ROBO2: variants seen among roughly 807,000 people sequenced by gnomAD.
ROBO2 encodes roundabout guidance receptor 2, also known as roundabout homolog 2.
Under a neutral mutation model 160.8 loss-of-function variants are expected in ROBO2, and 53 were observed. The ratio of observed to expected loss-of-function variants is 0.33; its 90% confidence interval spans 0.26 to 0.41. The LOEUF (loss-of-function observed/expected upper bound fraction) is 0.41, where lower values mean the gene tolerates loss of function less well. ROBO2 is among the 10% of genes least tolerant of loss of function. ROBO2 has a pLI of 1.00. For missense variants in ROBO2, 1,577 were observed against 1,722.4 expected (o/e 0.92, Z 1.49); for synonymous variants, 664 against 611.7 (o/e 1.09, Z -1.26).
chr3:77,494,033 T>G (rs1210730374), intron 5 of ROBO2, among the ~76,000 whole-genome samples: 1 of 152,186 alleles, frequency 6.6e-6, no homozygotes, highest in African/African-American at 2.4e-5. Flanking sequence ...CAAAAATGCT[T>G]TTCATCATAT....
At chr3:76,337,302 A>C (rs2073955054) in intron 2 of ROBO2, among the ~76,000 whole-genome samples, 1 of 151,404 alleles carries the variant, frequency 6.6e-6, no homozygotes, top group Admixed American at 6.6e-5. Context: ...AATACTAAAA[A>C]CTCTCCCCTG....
At chr3:77,499,631 T>G (rs1280340221) in intron 5 of ROBO2, among the ~76,000 whole-genome samples, 2 of 151,660 alleles carry the variant, frequency 1.3e-5, no homozygotes, top group African/African-American at 2.4e-5. Context: ...AATATTATTT[T>G]TAAATAAGTA....
At chr3:76,680,020 T>C (rs887239276) in intron 2 of ROBO2, among the ~76,000 whole-genome samples, 1 of 152,140 alleles carries the variant, frequency 6.6e-6, no homozygotes, top group African/African-American at 2.4e-5. Flanking sequence ...ATTATTGCTG[T>C]GTGTAGTTGG....
intron 2 of ROBO2, among the ~76,000 whole-genome samples, chr3:77,022,869 G>A (rs1055466519): frequency 2.6e-4 from 39 of 151,900 alleles, no homozygotes; most frequent in African/African-American, 7.0e-4. Flanking sequence ...GTTGTTGTGC[G>A]GCCACCACCA....
At chr3:77,579,836 GC>G (rs2093867645) in intron 15 of ROBO2, 110 bp from the exon 17 acceptor site, 4 of 1,000,248 alleles carry the variant, frequency 4.0e-6, no homozygotes, top group Middle Eastern at 5.9e-4. Context: ...ACTTCTATAA[GC>G]CTAGAAGATA....
intron 2 of ROBO2, among the ~76,000 whole-genome samples, chr3:76,490,104 A>G (rs1459042124): frequency 6.6e-6 from 1 of 151,570 alleles, no homozygotes; most frequent in Non-Finnish European, 1.5e-5. Context: ...TTTGGTATGG[A>G]AGGCTTTTGT....
intron 2 of ROBO2, among the ~76,000 whole-genome samples, chr3:76,969,245 A>G (rs186433212): frequency 2.6e-5 from 4 of 152,214 alleles, no homozygotes; most frequent in African/African-American, 7.2e-5. Flanking sequence ...AAAAGTTAAA[A>G]GATTCCTTAT....
intron 2 of ROBO2, among the ~76,000 whole-genome samples, chr3:77,296,949 T>A (rs1209346038): frequency 6.6e-6 from 1 of 152,194 alleles, no homozygotes; most frequent in African/African-American, 2.4e-5. Context: ...GTTGACTGCT[T>A]TTCTCGCATA....
At chr3:77,386,340 A>C (rs2074094574) in intron 2 of ROBO2, among the ~76,000 whole-genome samples, 1 of 152,168 alleles carries the variant, frequency 6.6e-6, no homozygotes, top group African/African-American at 2.4e-5. Flanking sequence ...TTAATGTTTA[A>C]CACTTTAAAA....
intron 2 of ROBO2, among the ~76,000 whole-genome samples, chr3:76,739,490 G>A (rs1560475530): frequency 6.8e-6 from 1 of 147,046 alleles, no homozygotes; most frequent in Non-Finnish European, 1.5e-5. Flanking sequence ...TGGGGTTGGG[G>A]GAGGGGGGAG....
At chr3:76,217,777 A>G (rs1337408840) in intron 2 of ROBO2, among the ~76,000 whole-genome samples, 1 of 152,224 alleles carries the variant, frequency 6.6e-6, no homozygotes, top group African/African-American at 2.4e-5. Context: ...ATTCCAATCA[A>G]TAGAAAAAGA....
intron 2 of ROBO2, among the ~76,000 whole-genome samples, chr3:76,319,833 T>A (rs560367248): frequency 7.9e-5 from 12 of 152,176 alleles, no homozygotes; most frequent in African/African-American, 2.6e-4. Flanking sequence ...TATCTTTAGC[T>A]ATTGAATATA....
exon 26 of ROBO2, chr3:77,648,861 C>A (rs988173136): frequency 6.6e-6 from 1 of 152,088 alleles, no homozygotes; most frequent in East Asian, 1.9e-4. Context: ...TAAATGGAGG[C>A]CTGCATAAGG....
At chr3:77,012,057 A>G (rs2061954483) in intron 2 of ROBO2, among the ~76,000 whole-genome samples, 1 of 152,190 alleles carries the variant, frequency 6.6e-6, no homozygotes, top group Non-Finnish European at 1.5e-5. Context: ...ATAGCCACTA[A>G]GTAAAGCAAG....
chr3:76,699,120 C>T (rs1576066335), intron 2 of ROBO2, among the ~76,000 whole-genome samples: 1 of 152,048 alleles, frequency 6.6e-6, no homozygotes, highest in African/African-American at 2.4e-5. Context: ...CCAATTTGAG[C>T]CACACTGAAA....
intron 2 of ROBO2, among the ~76,000 whole-genome samples, chr3:76,615,075 C>A (rs923866018): frequency 9.2e-5 from 14 of 152,106 alleles, no homozygotes; most frequent in African/African-American, 3.4e-4. Flanking sequence ...GGAAATTAAA[C>A]TGAAATTCTG....
At chr3:76,883,985 C>T (rs947396834) in intron 2 of ROBO2, among the ~76,000 whole-genome samples, 2 of 152,154 alleles carry the variant, frequency 1.3e-5, no homozygotes, top group Admixed American at 6.6e-5. Context: ...TTATATGTAG[C>T]ATATTCACAA....
At chr3:76,312,555 A>C (rs1196327450) in intron 2 of ROBO2, among the ~76,000 whole-genome samples, 1 of 152,170 alleles carries the variant, frequency 6.6e-6, no homozygotes, top group African/African-American at 2.4e-5. Context: ...TGGTGCTGCA[A>C]ATTATCTTCA....
chr3:76,716,362 CT>C lies in ROBO2; in HGVS notation c.110-381650del, dbSNP rs1403135262. The stretch of plus-strand genomic sequence containing the variant: ...CCCCAAAAGAAGAAAAAATGTATAT[CT>C]TACGTTTTCTCACCCATCTTTTCCT... On this transcript the variant is annotated intron_variant, in intron 2 of 26. Transcript: ENST00000487694. Among the ~76,000 whole-genome samples the C allele has an allele frequency of 3.3e-5, 5 of 152,254 alleles. No homozygotes were observed. In the East Asian group the frequency reaches 9.7e-4, roughly 29 times the overall value.
Sources: allele counts gnomAD v4.1 joint callset (sites outside exome capture counted in the v4.1 genomes callset), GRCh38; gene constraint gnomAD v4.1.1; transcripts MANE v1.5; gene names NCBI Gene and HGNC (gene_info 2026-07-23, HGNC 2026-07-21).